SSR1: variants seen among roughly 807,000 people sequenced by gnomAD.
SSR1 encodes translocon-associated protein subunit alpha.
Under a neutral mutation model 36.1 loss-of-function variants are expected in SSR1, and 13 were observed. The ratio of observed to expected loss-of-function variants is 0.36; its 90% CI spans 0.23 to 0.57. SSR1 has a LOEUF of 0.57. Ranked by LOEUF, SSR1 falls within the 20% of genes least tolerant of loss-of-function variation. The pLI is 0.81. For synonymous variants in SSR1, 113 were observed against 118.9 expected (o/e 0.95, Z 0.32); for missense variants, 291 against 338.5 (o/e 0.86, Z 1.10).
At chr6:7,299,064 C>T (rs762641465) in intron 4 of SSR1, among the ~76,000 whole-genome samples, 14 of 152,114 alleles carry the variant, frequency 9.2e-5, no homozygotes, top group Admixed American at 2.6e-4. Flanking sequence ...CCCAGGTACT[C>T]GGGGGCTGAG....
chr6:7,295,676 C>G lies in SSR1; in HGVS notation c.700-191G>C, dbSNP rs560568070. Among the ~76,000 whole-genome samples the G allele has an allele frequency of 3.9e-5, 6 of 152,246 alleles. No individual in the cohort carries two copies. In the South Asian group the frequency reaches 1.2e-3, roughly 32 times the overall value. On this transcript the variant is annotated intron_variant, in intron 6 of 7. Transcript: ENST00000244763. ...ATACTATCATGACCAGCTGTTTACT[C>G]TAATTTTTAAAACACCTATCAAATT...
At chr6:7,292,131 CA>C (rs949448035) in intron 7 of SSR1, among the ~76,000 whole-genome samples, 21 of 152,290 alleles carry the variant, frequency 1.4e-4, no homozygotes, top group African/African-American at 5.1e-4. Flanking sequence ...CTATATGTCC[CA>C]ATGTTTCCAA....
At chr6:7,296,507 CCTGA>C (rs1451862415) in intron 6 of SSR1, among the ~76,000 whole-genome samples, 1 of 152,024 alleles carries the variant, frequency 6.6e-6, no homozygotes, top group African/African-American at 2.4e-5. Flanking sequence ...GATTTGACTG[CCTGA>C]CTAAAGGCTT....
intron 1 of SSR1, among the ~76,000 whole-genome samples, chr6:7,312,520 C>A (rs1187668140): frequency 6.6e-6 from 1 of 152,170 alleles, no homozygotes; most frequent in Non-Finnish European, 1.5e-5. Flanking sequence ...GACCATTGAA[C>A]AAGACACTCT....
chr6:7,312,428 G>A (rs1160386044), intron 1 of SSR1, among the ~76,000 whole-genome samples: 1 of 152,176 alleles, frequency 6.6e-6, no homozygotes, highest in East Asian at 1.9e-4. Flanking sequence ...GGCGGATAAC[G>A]GGGGTGACGA....
At position 7,287,770 on chromosome 6, in the gene SSR1, A is replaced by T. The variant is rs1363586664; in HGVS notation, c.*2094T>A. 2 of 152,646 alleles carry T rather than the reference A, an allele frequency of 1.3e-5. No individual in the cohort carries two copies. The highest frequency in any genetic ancestry group is 2.9e-5 in the Non-Finnish European group (2 of 68,044). The allele number at this position is 152,646 out of a possible 1,614,324, so 9.5% of individuals were successfully genotyped here. ...ATATTTACATTTTAAAAAGACATTT[A>T]AAAAATAGGCTACTTATTAAGTGTG... On this transcript the variant is annotated 3_prime_UTR_variant, in exon 8 of 8. Coordinates refer to ENST00000244763, the MANE Select transcript of SSR1 (RefSeq NM_003144.5).
chr6:7,309,308 AAAAATTAGCC>A (rs1292615487), intron 2 of SSR1, among the ~76,000 whole-genome samples: 3 of 152,158 alleles, frequency 2.0e-5, no homozygotes, highest in Non-Finnish European at 4.4e-5. Flanking sequence ...AAAAAATTAC[AAAAATTAGCC>A]GGGCTTGTTG....
intron 7 of SSR1, among the ~76,000 whole-genome samples, chr6:7,293,391 T>C (rs1253791355): frequency 6.6e-6 from 1 of 152,154 alleles, no homozygotes; most frequent in East Asian, 1.9e-4. Flanking sequence ...ATCATTCTTA[T>C]GCCTCTGCGT....
chr6:7,281,254 CA>C lies in SSR1; in HGVS notation c.*8609del, dbSNP rs1757413241. The C allele has an allele frequency of 2.0e-5, 3 of 152,178 alleles. No individual in the cohort carries two copies. In the South Asian group the frequency reaches 6.2e-4, roughly 31 times the overall value. The allele number at this position is 152,178 out of a possible 1,614,324, so 9.4% of individuals were successfully genotyped here. A position where few individuals can be genotyped will look rare whatever the true frequency, so the allele number is the denominator to read the frequency against. ...AGACCAGTAACAACAACCAAGAAAG[CA>C]AAGTGCTCGTTTCCATCTTGGCTTT... is the stretch of plus-strand genomic sequence containing the variant. On this transcript the variant is annotated 3_prime_UTR_variant, in exon 8 of 8. Coordinates refer to ENST00000244763, the MANE Select transcript of SSR1 (RefSeq NM_003144.5).
In SSR1 at chr6:7,288,114, A is replaced by G. The variant is rs1757595417; in HGVS notation, c.*1750T>C. On this transcript the variant is annotated 3_prime_UTR_variant, in exon 8 of 8. Transcript: ENST00000244763. ...CCATAAAACTCTGTAGAGGCCATTT[A>G]CATTTCGTAAATTCTGTAATTACAC... The G allele has an allele frequency of 6.6e-6, 1 of 152,206 alleles. No homozygotes were observed. 9.4% of individuals were successfully genotyped at this position (152,206 alleles called of 1,614,324 possible).
chr6:7,301,132 C>T (rs1757923584), intron 4 of SSR1, among the ~76,000 whole-genome samples, 178 bp downstream of exon 4: 3 of 152,242 alleles, frequency 2.0e-5, no homozygotes, highest in South Asian at 4.2e-4. Flanking sequence ...TTTTCATATG[C>T]CTCCCCCACT....
intron 7 of SSR1, among the ~76,000 whole-genome samples, chr6:7,292,432 C>T (rs1310074100): frequency 1.3e-5 from 2 of 152,340 alleles, no homozygotes; most frequent in Non-Finnish European, 2.9e-5. Context: ...CTCCTATCAC[C>T]ACTGCCTCTG....
At chr6:7,298,059 A>C (rs1757842385) in intron 5 of SSR1, 58 bp from the exon 6 acceptor site, 3 of 1,245,784 alleles carry the variant, frequency 2.4e-6, no homozygotes, top group Non-Finnish European at 3.5e-6. Flanking sequence ...ACCACGTCTA[A>C]TTACAACTAT....
Position 7,298,756 on chromosome 6 carries a change from T to C in SSR1, c.611A>G (p.Asp204Gly). The part of the protein sequence containing the change: ...VTVIEREDGL[D>G]GETIFMYMFL... The stretch of plus-strand genomic sequence containing the variant: ...TACAACTTTCACTTACGTTTCTCCA[T>C]CTAACCCATCCTCTCTTTCAATAAC... Residue 204 changes from aspartate (D) to glycine (G), a missense_variant, in exon 5 of 8, where the codon GAT becomes GGT. By Grantham distance (94) the Asp-to-Gly change is moderately conservative. Coordinates refer to ENST00000244763, the MANE Select transcript of SSR1 (RefSeq NM_003144.5). 1 of 1,612,864 alleles carries C rather than the reference T, an allele frequency of 6.2e-7. No individual in the cohort carries two copies. The highest frequency in any genetic ancestry group is 8.5e-7 in the Non-Finnish European group (1 of 1,179,206).
Position 7,288,394 on chromosome 6 carries a change from T to C in SSR1, c.*1470A>G, listed in dbSNP as rs2113267961. 4 of 152,346 alleles carry C rather than the reference T, an allele frequency of 2.6e-5. No individual in the cohort carries two copies. In the South Asian group the frequency reaches 8.3e-4, roughly 32 times the overall value. 9.4% of individuals were successfully genotyped at this position (152,346 alleles called of 1,614,324 possible). ...ATATAGGTAATTTGATAGCCCCTAT[T>C]TGCAAAGTGATTAACAATTATACAA... On this transcript the variant is annotated 3_prime_UTR_variant, in exon 8 of 8. Coordinates refer to ENST00000244763, the MANE Select transcript of SSR1 (RefSeq NM_003144.5).
rs1296948336 is a variant in SSR1, at chr6:7,301,606, C to T, written c.281-34G>A. Reference sequence around the variant, plus strand: ...CAAAATAGAGACAAAAAAATTAGAACACATGGAAAGAGCACAAAATATTTA... The same window carrying T: ...CAAAATAGAGACAAAAAAATTAGAATACATGGAAAGAGCACAAAATATTTA... On this transcript the variant is annotated intron_variant, in intron 3 of 7. Coordinates refer to ENST00000244763, the MANE Select transcript of SSR1 (RefSeq NM_003144.5). 4 of 1,580,310 alleles carry T rather than the reference C, an allele frequency of 2.5e-6. No individual in the cohort carries two copies. The East Asian group carries it at 6.7e-5, about 26-fold the overall frequency.
intron 7 of SSR1, 76 bp downstream of exon 7, chr6:7,295,316 T>C (rs576321397): frequency 1.5e-6 from 2 of 1,298,466 alleles, no homozygotes; most frequent in South Asian, 1.4e-5. Flanking sequence ...AAAAGTTTTT[T>C]TTTTAAACTA....
intron 3 of SSR1, among the ~76,000 whole-genome samples, chr6:7,302,845 A>G (rs951781763): frequency 6.6e-6 from 1 of 152,142 alleles, no homozygotes; most frequent in Admixed American, 6.5e-5. Context: ...TAACACTCAA[A>G]ATGTGACAAA....
rs1354162673 is a variant in SSR1 at position 7,282,219 on chromosome 6, GA to G, written c.*7644del. On this transcript the variant is annotated 3_prime_UTR_variant, in exon 8 of 8. Transcript: ENST00000244763. Reference sequence around the variant, plus strand: ...AAAGGAAAGCTGAAAACCTGGCGACGAAAAGGAAGCCAAGAACATAGGAGAT... The same window carrying G: ...AAAGGAAAGCTGAAAACCTGGCGACGAAAGGAAGCCAAGAACATAGGAGAT... 1 of 152,364 alleles carries G rather than the reference GA, an allele frequency of 6.6e-6. No individual in the cohort carries two copies. Among genetic ancestry groups the G allele is most frequent in the Non-Finnish European group, 1.5e-5 (1 of 68,122 alleles). 9.4% of individuals were successfully genotyped at this position (152,364 alleles called of 1,614,324 possible). A position where few individuals can be genotyped will look rare whatever the true frequency, so the allele number is the denominator to read the frequency against.
Sources: allele counts gnomAD v4.1 joint callset (sites outside exome capture counted in the v4.1 genomes callset), GRCh38; gene constraint gnomAD v4.1.1; transcripts MANE v1.5; gene names NCBI Gene and HGNC (gene_info 2026-07-23, HGNC 2026-07-21).